The following ADGRL3 variants were observed in gnomAD, a reference collection of about 807,000 sequenced individuals.
The protein encoded by ADGRL3 is adhesion G protein-coupled receptor L3.
ADGRL3 carries 62 observed loss-of-function variants against 153.5 expected under a neutral mutation model. The ratio of observed to expected loss-of-function variants is 0.40; its 90% confidence interval spans 0.33 to 0.50. The LOEUF (loss-of-function observed/expected upper bound fraction) is 0.50, where lower values mean the gene tolerates loss of function less well. Among genes scored for constraint, ADGRL3 ranks in the 20% least tolerant of loss-of-function variants. The probability of loss-of-function intolerance (pLI) is 0.47; values close to 1 mark genes in which losing one functional copy is unlikely to be tolerated. For synonymous variants in ADGRL3, 710 were observed against 672.5 expected (o/e 1.06, Z -0.86); for missense variants, 1,641 against 1,859.4 (o/e 0.88, Z 2.16).
intron 17 of ADGRL3, among the ~76,000 whole-genome samples, chr4:61,959,353 C>T (rs1400058051): frequency 6.6e-6 from 1 of 152,090 alleles, no homozygotes; most frequent in East Asian, 1.9e-4. Context: ...GGAGATAATA[C>T]AAAAAGTCTG....
intron 3 of ADGRL3, among the ~76,000 whole-genome samples, chr4:61,499,719 G>A (rs2098362588): frequency 6.6e-6 from 1 of 151,122 alleles, no homozygotes; most frequent in African/African-American, 2.4e-5. Context: ...TGATACTAAG[G>A]AAAAAAAGAA....
At chr4:61,206,641 A>G (rs1158626336) in intron 1 of ADGRL3, among the ~76,000 whole-genome samples, 1 of 152,140 alleles carries the variant, frequency 6.6e-6, no homozygotes, top group Admixed American at 6.5e-5. Flanking sequence ...GAATTTTCCC[A>G]GTTTATCAAT....
intron 1 of ADGRL3, among the ~76,000 whole-genome samples, chr4:61,372,772 C>G (rs1024882309): frequency 2.0e-5 from 3 of 151,932 alleles, no homozygotes; most frequent in African/African-American, 7.3e-5. Flanking sequence ...TCGAGCTTCC[C>G]GGCTGCTTTG....
chr4:61,651,455 GT>G (rs1208691054), intron 5 of ADGRL3, among the ~76,000 whole-genome samples: 1 of 152,030 alleles, frequency 6.6e-6, no homozygotes, highest in Non-Finnish European at 1.5e-5. Context: ...AGCATCCTTA[GT>G]TTTGAAAATA....
intron 1 of ADGRL3, among the ~76,000 whole-genome samples, chr4:61,237,736 TGC>T (rs1753377474): frequency 6.6e-6 from 1 of 152,198 alleles, no homozygotes; most frequent in Non-Finnish European, 1.5e-5. Context: ...TTTTGAAAAC[TGC>T]AACATTTATT....
chr4:61,444,530 T>C (rs2097560485), intron 2 of ADGRL3, among the ~76,000 whole-genome samples: 1 of 152,110 alleles, frequency 6.6e-6, no homozygotes, highest in African/African-American at 2.4e-5. Context: ...CAAAACCACT[T>C]TGTGGTCAAG....
chr4:61,596,615 T>A (rs2098990167), intron 5 of ADGRL3, among the ~76,000 whole-genome samples: 1 of 152,166 alleles, frequency 6.6e-6, no homozygotes, highest in African/African-American at 2.4e-5. Flanking sequence ...TATTTTTTAT[T>A]CTCCAGGCAG....
chr4:61,591,740 T>G (rs904242), intron 5 of ADGRL3, among the ~76,000 whole-genome samples: 151,959 of 151,966 alleles, frequency 1, 75,976 homozygotes, highest in Non-Finnish European at 1. Flanking sequence ...TAGACTCAGG[T>G]TGTTCACATA....
intron 2 of ADGRL3, among the ~76,000 whole-genome samples, chr4:61,423,175 T>A (rs2097229377): frequency 6.6e-6 from 1 of 152,218 alleles, no homozygotes. Context: ...CTGGTTTATG[T>A]AGTATTTTTG....
At chr4:61,861,032 A>G (rs535780465) in intron 9 of ADGRL3, among the ~76,000 whole-genome samples, 2 of 152,374 alleles carry the variant, frequency 1.3e-5, no homozygotes, top group South Asian at 4.1e-4. Flanking sequence ...GTAAATATTG[A>G]AATCTATTTC....
intron 9 of ADGRL3, among the ~76,000 whole-genome samples, chr4:61,823,253 T>A (rs200096161): frequency 6.6e-6 from 1 of 152,194 alleles, no homozygotes; most frequent in African/African-American, 2.4e-5. Context: ...ATAGCTGTGT[T>A]TTTTTGTTCT....
At chr4:61,516,378 T>C (rs1560767339) in intron 3 of ADGRL3, among the ~76,000 whole-genome samples, 1 of 151,764 alleles carries the variant, frequency 6.6e-6, no homozygotes, top group East Asian at 1.9e-4. Flanking sequence ...AAAATACTTG[T>C]GTGAAGCAAA....
intron 4 of ADGRL3, among the ~76,000 whole-genome samples, chr4:61,555,331 T>G (rs1210895599): frequency 6.6e-6 from 1 of 152,218 alleles, no homozygotes; most frequent in Non-Finnish European, 1.5e-5. Context: ...TATTTTAATT[T>G]TACCTTATTA....
chr4:61,470,088 G>A (rs965382581), intron 2 of ADGRL3, among the ~76,000 whole-genome samples: 6 of 151,828 alleles, frequency 4.0e-5, no homozygotes, highest in South Asian at 2.1e-4. Flanking sequence ...AATTATCCAC[G>A]TATTATAAAT....
intron 1 of ADGRL3, among the ~76,000 whole-genome samples, chr4:61,317,034 A>G (rs1428221316): frequency 6.6e-6 from 1 of 152,210 alleles, no homozygotes. Flanking sequence ...GCTTCCACCA[A>G]TACTTACCTT....
chr4:61,384,588 G>C (rs1033518886), intron 2 of ADGRL3, among the ~76,000 whole-genome samples: 1 of 151,454 alleles, frequency 6.6e-6, no homozygotes, highest in Non-Finnish European at 1.5e-5. Context: ...TTACTACATT[G>C]GTTTCTTCAA....
At chr4:61,649,450 T>G (rs1392235935) in intron 5 of ADGRL3, among the ~76,000 whole-genome samples, 2 of 152,128 alleles carry the variant, frequency 1.3e-5, no homozygotes, top group African/African-American at 2.4e-5. Context: ...CCTCCATAGA[T>G]TTGTAGGTGG....
At chr4:61,866,523 C>T (rs182362299) in intron 9 of ADGRL3, among the ~76,000 whole-genome samples, 10 of 152,224 alleles carry the variant, frequency 6.6e-5, no homozygotes, top group East Asian at 1.9e-4. Flanking sequence ...AGCCTGTCCT[C>T]GGCATTATAT....
intron 11 of ADGRL3, chr4:61,906,371 C>G (rs2098695644): frequency 2.6e-5 from 4 of 152,018 alleles, no homozygotes; most frequent in Non-Finnish European, 5.9e-5. Flanking sequence ...AATGTACTTG[C>G]TATACAACCC....
Sources: allele counts gnomAD v4.1 joint callset (sites outside exome capture counted in the v4.1 genomes callset), GRCh38; gene constraint gnomAD v4.1.1; transcripts MANE v1.5; gene names NCBI Gene and HGNC (gene_info 2026-07-23, HGNC 2026-07-21).